GDAP2: variants seen among roughly 807,000 people sequenced by gnomAD.
GDAP2 encodes ganglioside induced differentiation associated protein 2.
GDAP2 carries 51 observed loss-of-function variants against 67.0 expected under a neutral mutation model. The observed-to-expected ratio is 0.76, with a 90% confidence interval of 0.61 to 0.96. The LOEUF (loss-of-function observed/expected upper bound fraction) is 0.96. GDAP2 is among the 40% of genes least tolerant of loss of function. The probability of loss-of-function intolerance (pLI) is 0.00; values close to 1 mark genes in which losing one functional copy is unlikely to be tolerated. For synonymous variants in GDAP2, 203 were observed against 207.3 expected, an observed-to-expected ratio of 0.98 and a Z score of 0.18; for missense variants, 547 against 588.3, an observed-to-expected ratio of 0.93 and a Z score of 0.73.
intron 1 of GDAP2, among the ~76,000 whole-genome samples, chr1:117,925,741 A>C (rs558346459): frequency 1.3e-5 from 2 of 152,324 alleles, no homozygotes; most frequent in South Asian, 4.1e-4. Flanking sequence ...ACTCTGAACC[A>C]GTTTTTTAAT....
chr1:117,879,613 AC>A (rs753734102), intron 12 of GDAP2, among the ~76,000 whole-genome samples: 10 of 152,190 alleles, frequency 6.6e-5, no homozygotes, highest in Non-Finnish European at 1.0e-4. Flanking sequence ...AAAGATAGGT[AC>A]TATTATTTCC....
At chr1:117,885,155 G>T (rs1438418642) in intron 10 of GDAP2, among the ~76,000 whole-genome samples, 1 of 152,082 alleles carries the variant, frequency 6.6e-6, no homozygotes, top group East Asian at 1.9e-4. Flanking sequence ...ACCACACCTG[G>T]CTGTGTGCAT....
intron 8 of GDAP2, among the ~76,000 whole-genome samples, chr1:117,894,097 A>G (rs1477602578): frequency 1.3e-5 from 2 of 152,110 alleles, no homozygotes; most frequent in South Asian, 2.1e-4. Context: ...TCCATTGAAC[A>G]CTGTGAGAGA....
chr1:117,895,371 C>T (rs565688364), intron 8 of GDAP2, among the ~76,000 whole-genome samples: 2 of 152,032 alleles, frequency 1.3e-5, no homozygotes, highest in South Asian at 4.2e-4. Context: ...TCCATTAAAT[C>T]AAACATTAAA....
chr1:117,921,755 A>T (rs1650262262), intron 1 of GDAP2, among the ~76,000 whole-genome samples: 1 of 152,222 alleles, frequency 6.6e-6, no homozygotes, highest in Non-Finnish European at 1.5e-5. Flanking sequence ...ATAATATTTG[A>T]AAAGAATACT....
intron 13 of GDAP2, among the ~76,000 whole-genome samples, chr1:117,873,020 T>C (rs1262397028): frequency 6.6e-6 from 1 of 152,086 alleles, no homozygotes. Context: ...CTCTATTCTA[T>C]TACCAATTTT....
At chr1:117,903,199 A>G (rs1649542390) in intron 6 of GDAP2, among the ~76,000 whole-genome samples, 1 of 151,920 alleles carries the variant, frequency 6.6e-6, no homozygotes, top group African/African-American at 2.4e-5. Flanking sequence ...AGGATTTTTG[A>G]TAAGATCATG....
chr1:117,868,256 T>C lies in GDAP2; in HGVS notation c.*2313A>G, dbSNP rs1648142570. ...TTCATTCTATAACACTTTAGACATC[T>C]ATAAAAGCATGAACTTGGTCCCACA... On this transcript the variant is annotated 3_prime_UTR_variant, in exon 14 of 14. Transcript: ENST00000369443. The C allele has an allele frequency of 6.6e-6, 1 of 152,230 alleles. No homozygotes were observed. The highest frequency in any genetic ancestry group is 2.1e-4 in the South Asian group (1 of 4,838). The allele number at this position is 152,230 out of a possible 1,614,324, so 9.4% of individuals were successfully genotyped here.
intron 5 of GDAP2, among the ~76,000 whole-genome samples, chr1:117,909,002 T>C (rs1476124823): frequency 6.6e-6 from 1 of 152,150 alleles, no homozygotes; most frequent in African/African-American, 2.4e-5. Context: ...GTGGAATTCA[T>C]TTAGAAAATT....
At chr1:117,920,160 T>C in intron 2 of GDAP2, 22 bp downstream of exon 2, 1 of 1,398,728 alleles carries the variant, frequency 7.1e-7, no homozygotes, top group Non-Finnish European at 1.0e-6. Flanking sequence ...CTCCTCATGA[T>C]ATGATGTAAT....
At chr1:117,921,399 C>G (rs1650250674) in intron 1 of GDAP2, among the ~76,000 whole-genome samples, 1 of 152,104 alleles carries the variant, frequency 6.6e-6, no homozygotes, top group South Asian at 2.1e-4. Flanking sequence ...GGGTATCTAA[C>G]AGAATGACTA....
intron 13 of GDAP2, among the ~76,000 whole-genome samples, chr1:117,871,018 T>G (rs564595439): frequency 5.3e-4 from 80 of 152,340 alleles, no homozygotes; most frequent in African/African-American, 1.8e-3. Context: ...AGCCTGAATT[T>G]AAATTCAAAT....
intron 2 of GDAP2, among the ~76,000 whole-genome samples, chr1:117,919,624 G>T (rs1246079972): frequency 6.6e-6 from 1 of 151,996 alleles, no homozygotes; most frequent in Non-Finnish European, 1.5e-5. Context: ...TGTGGTGAGG[G>T]TTATGCAACT....
At chr1:117,918,241 T>C (rs1650117685) in intron 3 of GDAP2, among the ~76,000 whole-genome samples, 2 of 152,132 alleles carry the variant, frequency 1.3e-5, no homozygotes, top group African/African-American at 4.8e-5. Context: ...AATTTAACAG[T>C]TTTTCAGTTC....
intron 12 of GDAP2, among the ~76,000 whole-genome samples, chr1:117,881,312 G>A (rs1430723543): frequency 6.6e-6 from 1 of 152,168 alleles, no homozygotes; most frequent in South Asian, 2.1e-4. Context: ...ATAATTGTGA[G>A]CAAGACTGCT....
rs1648106638 is a variant in GDAP2, at chr1:117,867,433, A to G, written c.*3136T>C. ...GATGGGCACGGTGGCTCATACTGGTAAGCCCAACACTTTGGGAGGCCGAGG... is the reference window on the plus strand; with the variant it reads ...GATGGGCACGGTGGCTCATACTGGTGAGCCCAACACTTTGGGAGGCCGAGG... On this transcript the variant is annotated 3_prime_UTR_variant, in exon 14 of 14. Coordinates refer to ENST00000369443, the MANE Select transcript of GDAP2 (RefSeq NM_017686.4). 6.6e-6 allele frequency: 1 copy of G among 151,724 alleles called. No homozygotes were observed. The highest frequency in any genetic ancestry group is 1.5e-5 in the Non-Finnish European group (1 of 67,998). 9.4% of individuals were successfully genotyped at this position (151,724 alleles called of 1,614,324 possible).
At chr1:117,928,961 G>A (rs539741689) in intron 1 of GDAP2, among the ~76,000 whole-genome samples, 37 of 152,230 alleles carry the variant, frequency 2.4e-4, no homozygotes, top group Middle Eastern at 6.8e-3. Context: ...CCCTCAAGCG[G>A]CCAGAGAGCG....
intron 3 of GDAP2, 77 bp downstream of exon 3, chr1:117,918,520 A>G (rs934527172): frequency 9.3e-7 from 1 of 1,078,180 alleles, no homozygotes; most frequent in African/African-American, 1.6e-5. Flanking sequence ...TTTTCCCACA[A>G]AACATGCCTC....
chr1:117,881,259 G>C (rs991702623), intron 12 of GDAP2, among the ~76,000 whole-genome samples: 44 of 152,248 alleles, frequency 2.9e-4, no homozygotes, highest in African/African-American at 1.1e-3. Flanking sequence ...CAAGAGACTA[G>C]ATATCTTGAT....
Sources: allele counts gnomAD v4.1 joint callset (sites outside exome capture counted in the v4.1 genomes callset), GRCh38; gene constraint gnomAD v4.1.1; transcripts MANE v1.5; gene names NCBI Gene and HGNC (gene_info 2026-07-23, HGNC 2026-07-21).